Variants in MAGI2 observed in about 807,000 individuals in gnomAD.
The protein encoded by MAGI2 is membrane associated guanylate kinase, WW and PDZ domain containing 2, also known as membrane-associated guanylate kinase, WW and PDZ domain-containing protein 2.
A neutral mutation model predicts 133.3 loss-of-function variants in MAGI2; 35 were observed. The observed-to-expected ratio is 0.26, with a 90% CI of 0.20 to 0.35. MAGI2 has a LOEUF of 0.35. Ranked by LOEUF, MAGI2 falls within the 10% of genes least tolerant of loss-of-function variation. The pLI is 1.00. For missense variants in MAGI2, 1,636 were observed against 1,863.4 expected (o/e 0.88, Z 2.25); for synonymous variants, 729 against 710.6 (o/e 1.03, Z -0.41).
chr7:78,321,376 G>T (rs1088556), intron 9 of MAGI2, among the ~76,000 whole-genome samples: 41,491 of 151,916 alleles, frequency 0.27, 5,915 homozygotes, highest in African/African-American at 0.33. Context: ...ACTATACTAC[G>T]AGGCTACAGT....
intron 2 of MAGI2, among the ~76,000 whole-genome samples, chr7:78,763,484 T>C (rs1824718332): frequency 6.6e-6 from 1 of 152,174 alleles, no homozygotes; most frequent in African/African-American, 2.4e-5. Context: ...GAGAGAGTAA[T>C]TCACACAGGT....
At chr7:79,126,756 TC>T (rs997278139) in intron 1 of MAGI2, among the ~76,000 whole-genome samples, 1 of 151,896 alleles carries the variant, frequency 6.6e-6, no homozygotes, top group Non-Finnish European at 1.5e-5. Flanking sequence ...ATTTACAATG[TC>T]CCCCAGACTT....
At chr7:78,126,193 G>GTTGTGTGT (rs34679427) in intron 19 of MAGI2, among the ~76,000 whole-genome samples, 35 of 149,120 alleles carry the variant, frequency 2.3e-4, no homozygotes, top group African/African-American at 8.4e-4. Context: ...ATAAATGTCA[G>GTTGTGTGT]GTGTGTGTGT....
At chr7:78,695,118 G>A (rs997981169) in intron 2 of MAGI2, among the ~76,000 whole-genome samples, 4 of 152,070 alleles carry the variant, frequency 2.6e-5, no homozygotes, top group Non-Finnish European at 1.5e-5. Flanking sequence ...CCAGCTACTC[G>A]GGAGGCTGAG....
At chr7:78,211,150 G>C (rs564788913) in intron 10 of MAGI2, among the ~76,000 whole-genome samples, 1 of 152,292 alleles carries the variant, frequency 6.6e-6, no homozygotes, top group African/African-American at 2.4e-5. Flanking sequence ...TAGAGCACCA[G>C]GGGAGACATT....
chr7:78,280,628 T>G (rs1795469216), intron 9 of MAGI2, among the ~76,000 whole-genome samples: 1 of 151,926 alleles, frequency 6.6e-6, no homozygotes, highest in Non-Finnish European at 1.5e-5. Context: ...TTTTACCAGG[T>G]TAGAAAGATT....
chr7:79,368,771 C>T (rs1017618099), intron 1 of MAGI2, among the ~76,000 whole-genome samples: 3 of 146,512 alleles, frequency 2.0e-5, no homozygotes, highest in Admixed American at 7.0e-5. Context: ...TGGCGTGAAC[C>T]CGGGAGGCGG....
intron 1 of MAGI2, among the ~76,000 whole-genome samples, chr7:79,049,569 A>T (rs969176176): frequency 7.2e-5 from 11 of 152,110 alleles, no homozygotes; most frequent in African/African-American, 2.7e-4. Flanking sequence ...GCCAACATAC[A>T]TCTGTATCTA....
At chr7:78,143,390 G>T (rs895184778) in intron 16 of MAGI2, among the ~76,000 whole-genome samples, 1 of 152,060 alleles carries the variant, frequency 6.6e-6, no homozygotes, top group African/African-American at 2.4e-5. Flanking sequence ...TAAAGGGCTG[G>T]TTGCCCAATT....
chr7:78,557,097 A>AAAAAAAAAAAAAAAG (rs1554473311), intron 3 of MAGI2, among the ~76,000 whole-genome samples: 5 of 138,960 alleles, frequency 3.6e-5, no homozygotes, highest in East Asian at 2.2e-4. Context: ...AAAAAAAAAA[A>AAAAAAAAAAAAAAAG]AAAGAAAAAG....
chr7:79,143,514 C>T (rs1822327037), intron 1 of MAGI2, among the ~76,000 whole-genome samples: 1 of 152,132 alleles, frequency 6.6e-6, no homozygotes, highest in South Asian at 2.1e-4. Context: ...GCTCCATTTG[C>T]TGTGGTAATA....
At chr7:79,416,167 C>A (rs1846494875) in intron 1 of MAGI2, among the ~76,000 whole-genome samples, 1 of 152,022 alleles carries the variant, frequency 6.6e-6, no homozygotes, top group East Asian at 1.9e-4. Context: ...CTGGTTACAT[C>A]ACCAATATTA....
intron 2 of MAGI2, among the ~76,000 whole-genome samples, chr7:78,699,935 G>A (rs1040932305): frequency 1.3e-5 from 2 of 152,074 alleles, no homozygotes; most frequent in African/African-American, 4.8e-5. Flanking sequence ...TCCCCCATTT[G>A]AGAAGAGAAA....
chr7:78,766,811 G>A (rs1027927701), intron 2 of MAGI2, among the ~76,000 whole-genome samples: 1 of 152,116 alleles, frequency 6.6e-6, no homozygotes, highest in Non-Finnish European at 1.5e-5. Flanking sequence ...CTTCTGGAAA[G>A]CAGGCTTGTG....
intron 21 of MAGI2, among the ~76,000 whole-genome samples, chr7:78,025,662 A>C (rs1808836749): frequency 6.6e-6 from 1 of 152,166 alleles, no homozygotes; most frequent in Non-Finnish European, 1.5e-5. Context: ...AACTTTGATC[A>C]GTTTTGAGAG....
chr7:78,327,519 A>C (rs1788708763), intron 9 of MAGI2, among the ~76,000 whole-genome samples: 1 of 152,254 alleles, frequency 6.6e-6, no homozygotes, highest in African/African-American at 2.4e-5. Context: ...CAAATCCCAC[A>C]TAAGAAAAAT....
intron 6 of MAGI2, among the ~76,000 whole-genome samples, chr7:78,405,880 G>A (rs1055618709): frequency 1.3e-5 from 2 of 151,306 alleles, no homozygotes; most frequent in African/African-American, 2.4e-5. Flanking sequence ...TTTTAAGTTA[G>A]TATCTGTACC....
intron 2 of MAGI2, among the ~76,000 whole-genome samples, chr7:78,770,561 T>C: frequency 6.6e-6 from 1 of 152,194 alleles, no homozygotes; most frequent in East Asian, 1.9e-4. Flanking sequence ...CTAACTGTTC[T>C]CCAAACAGCC....
rs561473490 is a variant in MAGI2 at position 78,986,463 on chromosome 7, T to C, written c.418+20627A>G. Among the ~76,000 whole-genome samples, 3 of 152,130 alleles carry C rather than the reference T, an allele frequency of 2.0e-5. No homozygotes were observed. In the South Asian group the frequency reaches 6.2e-4, roughly 32 times the overall value. On this transcript the variant is annotated intron_variant, in intron 2 of 21. Coordinates refer to ENST00000354212, the MANE Select transcript of MAGI2 (RefSeq NM_012301.4). ...CAATAAAACCTATTATCCTATTTGCTCTATCTCTTGTCCATTCAAACCGGT... is the reference window on the plus strand; with the variant it reads ...CAATAAAACCTATTATCCTATTTGCCCTATCTCTTGTCCATTCAAACCGGT...
Sources: gnomAD v4.1 joint callset for allele counts (sites outside exome capture counted in the v4.1 genomes callset) on GRCh38, gnomAD v4.1.1 for gene constraint, MANE v1.5 for transcripts, NCBI Gene and HGNC (gene_info 2026-07-23, HGNC 2026-07-21) for gene names.